TNIK: variants seen among roughly 807,000 people sequenced by gnomAD.
TNIK encodes the protein TRAF2 and NCK interacting kinase.
TNIK carries 49 observed loss-of-function variants against 191.3 expected under a neutral mutation model. That is an observed-to-expected ratio of 0.26 (90% confidence interval 0.20 to 0.32). TNIK has a LOEUF of 0.32. Among genes scored for constraint, TNIK ranks in the 10% least tolerant of loss-of-function variants. The probability of loss-of-function intolerance (pLI) is 1.00; values close to 1 mark genes in which losing one functional copy is unlikely to be tolerated. For missense variants in TNIK, 1,155 were observed against 1,702.3 expected (o/e 0.68, Z 5.66); for synonymous variants, 594 against 600.9 (o/e 0.99, Z 0.17).
At chr3:171,428,615 AC>A (rs1174046525) in intron 1 of TNIK, among the ~76,000 whole-genome samples, 1 of 62,376 alleles carries the variant, frequency 1.6e-5, no homozygotes, top group African/African-American at 5.6e-5. Context: ...CTCCGCCCCC[AC>A]CCCCACCCCA....
chr3:171,109,307 G>A (rs1024966472), intron 19 of TNIK, among the ~76,000 whole-genome samples: 1 of 152,162 alleles, frequency 6.6e-6, no homozygotes, highest in Non-Finnish European at 1.5e-5. Flanking sequence ...GACTACAGGC[G>A]TAAGCCACTA....
chr3:171,227,608 T>C (rs956181757), intron 3 of TNIK, among the ~76,000 whole-genome samples: 1 of 152,194 alleles, frequency 6.6e-6, no homozygotes, highest in Non-Finnish European at 1.5e-5. Context: ...GGTATCAAAT[T>C]TAATTAGAGT....
intron 2 of TNIK, among the ~76,000 whole-genome samples, chr3:171,332,129 A>C (rs575143313): frequency 6.6e-6 from 1 of 152,336 alleles, no homozygotes; most frequent in South Asian, 2.1e-4. Flanking sequence ...AGGCATACCT[A>C]TATCTAACTG....
At chr3:171,370,703 G>T (rs13096703) in intron 1 of TNIK, among the ~76,000 whole-genome samples, 1 of 151,548 alleles carries the variant, frequency 6.6e-6, no homozygotes, top group Non-Finnish European at 1.5e-5. Context: ...TGGTAGGGTG[G>T]GGTGGGGTGG....
At chr3:171,362,889 C>T (rs1881961) in intron 2 of TNIK, among the ~76,000 whole-genome samples, 126,131 of 152,084 alleles carry the variant, frequency 0.83, 53,441 homozygotes, top group Non-Finnish European at 0.92. Context: ...AGTGGAAATG[C>T]CAAAGCCTCT....
chr3:171,445,958 G>T (rs1199602243), intron 1 of TNIK, among the ~76,000 whole-genome samples: 1 of 152,182 alleles, frequency 6.6e-6, no homozygotes, highest in African/African-American at 2.4e-5. Context: ...TGTAGCAACT[G>T]TAAGGATCAG....
intron 25 of TNIK, among the ~76,000 whole-genome samples, chr3:171,084,545 T>C (rs1721099144): frequency 6.6e-6 from 1 of 152,204 alleles, no homozygotes; most frequent in Admixed American, 6.5e-5. Context: ...AACAGGCTTA[T>C]AGACACTACT....
At chr3:171,065,569 A>C (rs1004650677) in intron 32 of TNIK, among the ~76,000 whole-genome samples, 1 of 152,224 alleles carries the variant, frequency 6.6e-6, no homozygotes, top group Non-Finnish European at 1.5e-5. Context: ...AGGGAGAAGC[A>C]GTACTGCTGC....
At chr3:171,172,267 G>A (rs192097359) in intron 9 of TNIK, among the ~76,000 whole-genome samples, 111 of 152,230 alleles carry the variant, frequency 7.3e-4, no homozygotes, top group Non-Finnish European at 1.2e-3. Flanking sequence ...CAACAATGGC[G>A]CCCCCTTTGG....
intron 1 of TNIK, among the ~76,000 whole-genome samples, chr3:171,415,060 C>G (rs1259667786): frequency 2.0e-5 from 3 of 152,150 alleles, no homozygotes; most frequent in Non-Finnish European, 4.4e-5. Context: ...TACTGCCCTC[C>G]AGTTGCCCAA....
intron 1 of TNIK, among the ~76,000 whole-genome samples, chr3:171,370,643 T>A (rs1716356177): frequency 6.6e-6 from 1 of 152,148 alleles, no homozygotes; most frequent in South Asian, 2.1e-4. Flanking sequence ...AGTTGGGGCC[T>A]GTGGCAAACT....
chr3:171,415,440 T>A (rs1383399498), intron 1 of TNIK, among the ~76,000 whole-genome samples: 1 of 152,190 alleles, frequency 6.6e-6, no homozygotes, highest in African/African-American at 2.4e-5. Context: ...TAAGTACCTA[T>A]TGCATAAAGG....
intron 2 of TNIK, among the ~76,000 whole-genome samples, chr3:171,265,417 C>T (rs1453234073): frequency 6.6e-6 from 1 of 151,912 alleles, no homozygotes; most frequent in African/African-American, 2.4e-5. Flanking sequence ...GAGCCACAGG[C>T]TAGAAGAGCC....
At chr3:171,351,250 A>AATATAT (rs532347453) in intron 2 of TNIK, among the ~76,000 whole-genome samples, 2 of 93,972 alleles carry the variant, frequency 2.1e-5, no homozygotes, top group African/African-American at 6.0e-5. Context: ...CCATAGAGAA[A>AATATAT]ATATATATAT....
At chr3:171,402,591 G>A (rs773120896) in intron 1 of TNIK, among the ~76,000 whole-genome samples, 3 of 152,122 alleles carry the variant, frequency 2.0e-5, no homozygotes, top group Non-Finnish European at 4.4e-5. Flanking sequence ...GTGATATAGT[G>A]AACAATGTCT....
chr3:171,170,323 G>A (rs986974794), intron 9 of TNIK, among the ~76,000 whole-genome samples: 1 of 152,096 alleles, frequency 6.6e-6, no homozygotes, highest in South Asian at 2.1e-4. Context: ...TTGTGTTGGG[G>A]GAATTCAAAA....
intron 1 of TNIK, among the ~76,000 whole-genome samples, chr3:171,384,509 A>G (rs1396735266): frequency 6.6e-6 from 1 of 152,232 alleles, no homozygotes; most frequent in Non-Finnish European, 1.5e-5. Flanking sequence ...ATGCATATTA[A>G]TGGTACCAAA....
chr3:171,122,265 C>G (rs1727856447), intron 18 of TNIK, among the ~76,000 whole-genome samples: 1 of 152,162 alleles, frequency 6.6e-6, no homozygotes, highest in Admixed American at 6.5e-5. Context: ...CCCCCGGGGG[C>G]AGGGTTCAAA....
chr3:171,151,262 T>C (rs1358628856), intron 12 of TNIK, among the ~76,000 whole-genome samples: 1 of 152,208 alleles, frequency 6.6e-6, no homozygotes, highest in Non-Finnish European at 1.5e-5. Context: ...CTAAGAACTA[T>C]TAGACATTTA....
Sources: allele counts gnomAD v4.1 joint callset (sites outside exome capture counted in the v4.1 genomes callset), GRCh38; gene constraint gnomAD v4.1.1; transcripts MANE v1.5; gene names NCBI Gene and HGNC (gene_info 2026-07-23, HGNC 2026-07-21).